RYR3: variants seen among roughly 807,000 people sequenced by gnomAD.
RYR3 encodes ryanodine receptor 3, also known as brain ryanodine receptor-calcium release channel.
RYR3 carries 207 observed loss-of-function variants against 584.3 expected under a neutral mutation model. That is an observed-to-expected ratio of 0.35 (90% CI 0.32 to 0.40). The LOEUF (loss-of-function observed/expected upper bound fraction) is 0.40, where lower values mean the gene tolerates loss of function less well. Ranked by LOEUF, RYR3 falls within the 10% of genes least tolerant of loss-of-function variation. The pLI, the probability that RYR3 is intolerant of heterozygous loss-of-function variation, is 1.00. For missense variants in RYR3, 5,616 were observed against 6,089.2 expected, an observed-to-expected ratio of 0.92 and a Z score of 2.59; for synonymous variants, 2,416 against 2,248.5, an observed-to-expected ratio of 1.07 and a Z score of -2.11.
At chr15:33,655,558 G>T (rs926896805) in intron 32 of RYR3, among the ~76,000 whole-genome samples, 1 of 152,192 alleles carries the variant, frequency 6.6e-6, no homozygotes, top group Non-Finnish European at 1.5e-5. Flanking sequence ...GGTGACATAG[G>T]CTGGTCAGTT....
chr15:33,322,837 A>G lies in RYR3; in HGVS notation c.51+11741A>G, dbSNP rs142237954. ...TTGTCACTGTGCTTATTGCAGCTCT[A>G]CAAACATAAATGACAAATTCAGAAT... On this transcript the variant is annotated intron_variant, in intron 1 of 103. Coordinates refer to ENST00000634891, the MANE Select transcript of RYR3 (RefSeq NM_001036.6). Among the ~76,000 whole-genome samples, 101 of 151,938 alleles carry G rather than the reference A, an allele frequency of 6.6e-4. 1 individual carries two copies. The highest frequency in any genetic ancestry group is 2.3e-3 in the African/African-American group (96 of 41,492).
At chr15:33,748,074 G>A (rs746688387) in intron 53 of RYR3, 40 bp from the exon 54 acceptor site, 2 of 1,606,224 alleles carry the variant, frequency 1.2e-6, no homozygotes, top group African/African-American at 1.3e-5. Context: ...GAATGCTGGG[G>A]TGTGTTCTGC....
At chr15:33,695,947 CTTT>C (rs1165160004) in intron 38 of RYR3, among the ~76,000 whole-genome samples, 45 of 95,460 alleles carry the variant, frequency 4.7e-4, no homozygotes, top group African/African-American at 1.8e-3. Context: ...CCACACCCAG[CTTT>C]TTTTTTTTTT....
In RYR3 at chr15:33,649,150, C is replaced by T; in HGVS notation, c.4057C>T (p.His1353Tyr). 1.2e-6 allele frequency: 2 copies of T among 1,613,820 alleles called. No individual in the cohort carries two copies. Among genetic ancestry groups the T allele is most frequent in the Non-Finnish European group, 1.7e-6 (2 of 1,179,838 alleles). The change falls in exon 31 of 104, where the codon CAC becomes TAC. Residue 1353 changes from histidine to tyrosine, a missense_variant. Coordinates refer to ENST00000634891, the MANE Select transcript of RYR3 (RefSeq NM_001036.6). ...VWVGWVTPDYHLYSEKFDLNK... is the reference protein window; with the variant it reads ...VWVGWVTPDYYLYSEKFDLNK... ...GGTCGGATGGGTGACTCCAGACTAT[C>T]ACTTGTACAGTGAAAAGTTTGACCT...
intron 2 of RYR3, among the ~76,000 whole-genome samples, chr15:33,482,835 A>G (rs553868739): frequency 1.3e-5 from 2 of 152,256 alleles, no homozygotes; most frequent in East Asian, 3.9e-4. Flanking sequence ...CATTAAGTAT[A>G]GAATTTGGGG....
intron 43 of RYR3, among the ~76,000 whole-genome samples, chr15:33,717,962 G>A (rs559746023): frequency 4.5e-4 from 68 of 152,294 alleles, no homozygotes; most frequent in Admixed American, 9.8e-4. Context: ...CAGGCTGGAA[G>A]GCCCTAAAAA....
At chr15:33,714,540 G>A (rs527568173) in intron 43 of RYR3, among the ~76,000 whole-genome samples, 2 of 152,280 alleles carry the variant, frequency 1.3e-5, no homozygotes, top group African/African-American at 4.8e-5. Context: ...AGATGTGTTT[G>A]GGTGTCTGTG....
chr15:33,787,518 T>TA (rs1015449686), intron 66 of RYR3, among the ~76,000 whole-genome samples: 3,453 of 132,714 alleles, frequency 0.026, 65 homozygotes, highest in African/African-American at 0.061. Context: ...CTCTGGTCTT[T>TA]AAAAAAAAAA....
intron 80 of RYR3, 110 bp downstream of exon 80, chr15:33,821,712 C>T: frequency 1.1e-5 from 11 of 984,240 alleles, no homozygotes; most frequent in Non-Finnish European, 1.7e-5. Flanking sequence ...CACCCAGAAT[C>T]ACTTAGCTCA....
rs778136075 is a variant in RYR3 at position 33,623,816 on chromosome 15, C to T, written c.2367C>T (p.Phe789=). The T allele has an allele frequency of 6.2e-7, 1 of 1,610,822 alleles. No individual in the cohort carries two copies. The highest frequency in any genetic ancestry group is 8.5e-7 in the Non-Finnish European group (1 of 1,177,122). Residue 789 remains phenylalanine (F), a synonymous_variant, in exon 20 of 104, where the codon TTC becomes TTT. Coordinates refer to ENST00000634891, the MANE Select transcript of RYR3 (RefSeq NM_001036.6). The part of the protein sequence containing the change: ...MSFSAGVKVR[F]LMGGRHGEFK... ...TATCTTCAAATGACAGAGTACGTTT[C>T]CTGATGGGTGGACGTCATGGAGAGT...
In RYR3 at chr15:33,820,773, GGATGAAGAAGAA is replaced by G. The variant is rs1415731316; in HGVS notation, c.10785_10796del (p.Glu3595_Glu3598del). 6.2e-7 allele frequency: 1 copy of G among 1,605,828 alleles called. No individual in the cohort carries two copies. The highest frequency in any genetic ancestry group is 1.3e-5 in the African/African-American group (1 of 74,784). The stretch of plus-strand genomic sequence containing the variant: ...AAATCCAGAGTTGTCAAAGTGGTGA[GGATGAAGAAGAA>G]GATGAAGACAAGGAAAAAACATTCG... On this transcript the variant is annotated inframe_deletion, in exon 78 of 104. Transcript: ENST00000634891.
At chr15:33,505,037 A>G (rs1596400953) in intron 3 of RYR3, among the ~76,000 whole-genome samples, 1 of 152,184 alleles carries the variant, frequency 6.6e-6, no homozygotes, top group Admixed American at 6.5e-5. Context: ...TTTCTTCGCT[A>G]CTGGAGAGTA....
intron 24 of RYR3, among the ~76,000 whole-genome samples, chr15:33,633,689 G>A (rs1370579424): frequency 2.6e-5 from 4 of 152,226 alleles, no homozygotes; most frequent in Non-Finnish European, 5.9e-5. Context: ...GGGAGGAGGA[G>A]CAGCGGAGTA....
At position 33,746,835 on chromosome 15, in the gene RYR3, G is replaced by T. The variant is rs546991505; in HGVS notation, c.7989+678G>T. Among the ~76,000 whole-genome samples the T allele has an allele frequency of 2.0e-5, 3 of 147,858 alleles. No homozygotes were observed. The East Asian group carries it at 6.0e-4, about 30-fold the overall frequency. ...TTTTTTTTTTCTCTTTTGAGGCAGG[G>T]TCTCGTTCTGTCACTCAGTCTAGAG... On this transcript the variant is annotated intron_variant, in intron 53 of 103. Transcript: ENST00000634891.
intron 87 of RYR3, 66 bp from the exon 88 acceptor site, chr15:33,836,840 C>T (rs903000378): frequency 1.7e-5 from 22 of 1,304,826 alleles, no homozygotes; most frequent in Middle Eastern, 2.0e-4. Flanking sequence ...AGGCTCTTCT[C>T]GCTCACTGCC....
chr15:33,743,590 G>A (rs529531250), intron 52 of RYR3, among the ~76,000 whole-genome samples: 27 of 152,288 alleles, frequency 1.8e-4, no homozygotes, highest in Middle Eastern at 6.8e-3. Context: ...GCTTATGGCC[G>A]TTTGGCCAGC....
intron 60 of RYR3, among the ~76,000 whole-genome samples, 193 bp from the exon 61 acceptor site, chr15:33,768,465 C>T (rs1456457893): frequency 1.3e-5 from 2 of 152,204 alleles, no homozygotes; most frequent in Non-Finnish European, 2.9e-5. Flanking sequence ...TTTCATGATT[C>T]TCCAAGGCAG....
chr15:33,652,769 T>C lies in RYR3; in HGVS notation c.4194T>C (p.Ser1398=), dbSNP rs2062562517. ...YMVWGGDIVA[S]SQRSNRSNVD... ...TCTGGGGTGGAGACATTGTAGCCAG[T>C]TCCCAGAGATCAAATCGGAGCAACG... Residue 1398 remains serine (S), a synonymous_variant, in exon 32 of 104, where the codon AGT becomes AGC. Transcript: ENST00000634891. 1 of 1,613,912 alleles carries C rather than the reference T, an allele frequency of 6.2e-7. No homozygotes were observed. Among genetic ancestry groups the C allele is most frequent in the East Asian group, 2.2e-5 (1 of 44,880 alleles).
chr15:33,819,860 T>G (rs2077020802), intron 77 of RYR3, 53 bp downstream of exon 77: 3 of 1,402,458 alleles, frequency 2.1e-6, no homozygotes, highest in Admixed American at 1.8e-5. Context: ...TCCCTTAGAT[T>G]TCTTTAGGCG....
Sources: gnomAD v4.1 joint callset for allele counts (sites outside exome capture counted in the v4.1 genomes callset) on GRCh38, gnomAD v4.1.1 for gene constraint, MANE v1.5 for transcripts, NCBI Gene and HGNC (gene_info 2026-07-23, HGNC 2026-07-21) for gene names.